The following LRRC4C variants were observed in gnomAD, a reference collection of about 807,000 sequenced individuals.
LRRC4C encodes leucine-rich repeat-containing protein 4C.
A neutral mutation model predicts 33.6 loss-of-function variants in LRRC4C; 5 were observed. The observed-to-expected ratio is 0.15, with a 90% CI of 0.08 to 0.31. The LOEUF (loss-of-function observed/expected upper bound fraction) is 0.31. Among genes scored for constraint, LRRC4C ranks in the 10% least tolerant of loss-of-function variants. LRRC4C has a pLI of 1.00. For missense variants in LRRC4C, 560 were observed against 796.7 expected, an observed-to-expected ratio of 0.70 and a Z score of 3.58; for synonymous variants, 329 against 302.0, an observed-to-expected ratio of 1.09 and a Z score of -0.93.
At chr11:41,428,712 G>A (rs1955128937) in intron 1 of LRRC4C, among the ~76,000 whole-genome samples, 1 of 152,042 alleles carries the variant, frequency 6.6e-6, no homozygotes, top group Admixed American at 6.6e-5. Context: ...TAGAGGCAGT[G>A]CTTTTTCGCT....
At chr11:40,888,635 T>A (rs1955567108) in intron 2 of LRRC4C, among the ~76,000 whole-genome samples, 1 of 152,026 alleles carries the variant, frequency 6.6e-6, no homozygotes, top group Admixed American at 6.6e-5. Flanking sequence ...GGAACTTTTT[T>A]ATTTCATGGT....
chr11:41,388,727 C>A (rs886422621), intron 1 of LRRC4C, among the ~76,000 whole-genome samples: 3 of 151,800 alleles, frequency 2.0e-5, no homozygotes, highest in Admixed American at 6.6e-5. Flanking sequence ...ATAGAAAGAA[C>A]ATTAACCCAT....
chr11:41,396,335 A>G (rs1953812291), intron 1 of LRRC4C, among the ~76,000 whole-genome samples: 1 of 152,076 alleles, frequency 6.6e-6, no homozygotes, highest in Non-Finnish European at 1.5e-5. Context: ...TAGCAAAAAA[A>G]TTAAGATAGG....
intron 3 of LRRC4C, among the ~76,000 whole-genome samples, chr11:40,437,397 C>G (rs1590732505): frequency 6.9e-6 from 1 of 144,110 alleles, no homozygotes; most frequent in South Asian, 2.2e-4. Context: ...TTCTTTTTTT[C>G]TTTTTTTTTT....
intron 1 of LRRC4C, among the ~76,000 whole-genome samples, chr11:41,372,388 T>C (rs999053474): frequency 5.9e-5 from 9 of 152,196 alleles, no homozygotes; most frequent in Admixed American, 6.5e-5. Context: ...TTATGTCCTT[T>C]GACATATGGG....
intron 1 of LRRC4C, among the ~76,000 whole-genome samples, chr11:41,418,995 C>T (rs1425586149): frequency 3.4e-4 from 52 of 151,560 alleles, no homozygotes; most frequent in Admixed American, 3.4e-3. Flanking sequence ...ATCTAATATG[C>T]CCAGTGTTGT....
At chr11:40,240,147 A>T (rs1017416723) in intron 5 of LRRC4C, among the ~76,000 whole-genome samples, 1 of 152,040 alleles carries the variant, frequency 6.6e-6, no homozygotes, top group African/African-American at 2.4e-5. Flanking sequence ...AAAAAAAACT[A>T]TTTGCTTTTC....
intron 1 of LRRC4C, among the ~76,000 whole-genome samples, chr11:41,004,014 A>G (rs1348210100): frequency 1.3e-5 from 2 of 152,088 alleles, no homozygotes; most frequent in East Asian, 3.9e-4. Flanking sequence ...CAAAGAGAAG[A>G]CAAAACGGCC....
At position 40,896,196 on chromosome 11, in the gene LRRC4C, G is replaced by A. The variant is rs576180510; in HGVS notation, c.-407+37439C>T. ...AGAAGTTTGATCAGCTTTAAAGTTC[G>A]CTCCAGCTCAGCATAGACCATACCC... is the stretch of plus-strand genomic sequence containing the variant. On this transcript the variant is annotated intron_variant, in intron 2 of 6. Coordinates refer to ENST00000528697, the MANE Select transcript of LRRC4C (RefSeq NM_001258419.2). 9.9e-5 allele frequency among the ~76,000 whole-genome samples: 15 copies of A among 152,156 alleles called. No individual in the cohort carries two copies. The South Asian group carries it at 1.0e-3, about 11-fold the overall frequency.
intron 5 of LRRC4C, among the ~76,000 whole-genome samples, chr11:40,200,041 T>A (rs1173963974): frequency 6.6e-6 from 1 of 151,840 alleles, no homozygotes; most frequent in African/African-American, 2.4e-5. Context: ...TCCCTGCTTG[T>A]CAATTAAAAC....
intron 1 of LRRC4C, among the ~76,000 whole-genome samples, chr11:41,159,094 G>T (rs903538913): frequency 2.6e-5 from 4 of 152,052 alleles, no homozygotes; most frequent in Non-Finnish European, 5.9e-5. Flanking sequence ...AGACTAGCCA[G>T]GGCAACATAG....
chr11:40,530,353 A>G (rs1956224443), intron 3 of LRRC4C, among the ~76,000 whole-genome samples: 1 of 152,144 alleles, frequency 6.6e-6, no homozygotes, highest in Non-Finnish European at 1.5e-5. Context: ...AGGATGTCGC[A>G]GAATTTAAGG....
intron 1 of LRRC4C, among the ~76,000 whole-genome samples, chr11:41,290,396 G>C (rs376737841): frequency 6.6e-6 from 1 of 152,172 alleles, no homozygotes; most frequent in African/African-American, 2.4e-5. Context: ...ATGTTCCTAC[G>C]AGTAAGCAGT....
At chr11:40,408,989 A>T (rs962396639) in intron 3 of LRRC4C, among the ~76,000 whole-genome samples, 2 of 152,000 alleles carry the variant, frequency 1.3e-5, no homozygotes, top group Non-Finnish European at 2.9e-5. Flanking sequence ...AAAGCATCCC[A>T]CTACCTGACT....
chr11:41,282,413 A>G (rs1949704596), intron 1 of LRRC4C, among the ~76,000 whole-genome samples: 1 of 152,182 alleles, frequency 6.6e-6, no homozygotes, highest in Non-Finnish European at 1.5e-5. Context: ...TACCCTCTTC[A>G]AATATTAGGA....
intron 3 of LRRC4C, among the ~76,000 whole-genome samples, chr11:40,377,385 T>A (rs1157620593): frequency 6.6e-6 from 1 of 152,166 alleles, no homozygotes; most frequent in Non-Finnish European, 1.5e-5. Flanking sequence ...TTCTGAGCTG[T>A]TGATTAATTT....
chr11:41,436,733 T>G (rs1365889486), intron 1 of LRRC4C, among the ~76,000 whole-genome samples: 1 of 152,148 alleles, frequency 6.6e-6, no homozygotes, highest in Non-Finnish European at 1.5e-5. Context: ...TCTAAATCAT[T>G]TTGCCTTGCA....
chr11:41,264,727 G>A (rs1949094384), intron 1 of LRRC4C, among the ~76,000 whole-genome samples: 1 of 152,118 alleles, frequency 6.6e-6, no homozygotes, highest in African/African-American at 2.4e-5. Flanking sequence ...TCTGAGGCTG[G>A]TATTCTGCCC....
At chr11:40,915,901 C>A (rs1956936429) in intron 2 of LRRC4C, among the ~76,000 whole-genome samples, 1 of 152,154 alleles carries the variant, frequency 6.6e-6, no homozygotes. Context: ...TGAACAGACA[C>A]TTCTCAAAAG....
Sources: gnomAD v4.1 joint callset for allele counts (sites outside exome capture counted in the v4.1 genomes callset) on GRCh38, gnomAD v4.1.1 for gene constraint, MANE v1.5 for transcripts, NCBI Gene and HGNC (gene_info 2026-07-23, HGNC 2026-07-21) for gene names.